Variants in FER1L6 observed in about 807,000 individuals in gnomAD.
FER1L6 encodes the protein fer-1 like family member 6, also known as fer-1-like protein 6.
A neutral mutation model predicts 219.2 loss-of-function variants in FER1L6; 177 were observed. The ratio of observed to expected loss-of-function variants is 0.81; its 90% confidence interval spans 0.71 to 0.91. The LOEUF is 0.91. Ranked by LOEUF, FER1L6 falls within the 40% of genes least tolerant of loss-of-function variation. FER1L6 has a pLI of 0.00. For synonymous variants in FER1L6, 768 were observed against 824.3 expected, an observed-to-expected ratio of 0.93 and a Z score of 1.17; for missense variants, 2,153 against 2,259.9, an observed-to-expected ratio of 0.95 and a Z score of 0.96.
chr8:124,108,143 G>A (rs2131011459), intron 39 of FER1L6, among the ~76,000 whole-genome samples: 1 of 152,278 alleles, frequency 6.6e-6, no homozygotes, highest in South Asian at 2.1e-4. Context: ...GAGGATCCCT[G>A]GAGCCCAGGA....
chr8:123,862,235 A>C (rs1246476527), intron 1 of FER1L6, among the ~76,000 whole-genome samples: 1 of 87,878 alleles, frequency 1.1e-5, no homozygotes, highest in Non-Finnish European at 2.3e-5. Flanking sequence ...TATTGAGATA[A>C]TCATGTGGTT....
At chr8:123,959,984 T>G (rs1201459442) in intron 2 of FER1L6, among the ~76,000 whole-genome samples, 2 of 152,206 alleles carry the variant, frequency 1.3e-5, no homozygotes, top group East Asian at 1.9e-4. Context: ...GCCAAGAAAT[T>G]CTGGGTGACT....
chr8:124,036,275 C>T (rs543108382), intron 19 of FER1L6: 6 of 152,266 alleles, frequency 3.9e-5, no homozygotes, highest in Admixed American at 1.3e-4. Flanking sequence ...CCAGTGGAAT[C>T]GAAGTTGCTC....
At chr8:124,118,517 C>A (rs1823341609) in intron 39 of FER1L6, among the ~76,000 whole-genome samples, 1 of 152,172 alleles carries the variant, frequency 6.6e-6, no homozygotes, top group African/African-American at 2.4e-5. Context: ...AGTAATCAGT[C>A]CCCTTTCTAA....
At chr8:123,967,136 A>C (rs577646710) in intron 5 of FER1L6, among the ~76,000 whole-genome samples, 2 of 152,244 alleles carry the variant, frequency 1.3e-5, no homozygotes, top group East Asian at 3.9e-4. Context: ...AAGAGACAAA[A>C]AGTATAACGA....
chr8:123,967,430 A>G (rs2130230586), intron 5 of FER1L6, among the ~76,000 whole-genome samples: 1 of 152,306 alleles, frequency 6.6e-6, no homozygotes, highest in Non-Finnish European at 1.5e-5. Flanking sequence ...ATGCCATAAT[A>G]TACTAAACCA....
chr8:123,953,182 C>T (rs1814847584), intron 1 of FER1L6, among the ~76,000 whole-genome samples: 1 of 152,150 alleles, frequency 6.6e-6, no homozygotes, highest in African/African-American at 2.4e-5. Context: ...CCTTTTCATG[C>T]TGGGAGTCAT....
At chr8:124,078,194 T>C (rs1214764363) in intron 32 of FER1L6, among the ~76,000 whole-genome samples, 1 of 152,064 alleles carries the variant, frequency 6.6e-6, no homozygotes, top group Non-Finnish European at 1.5e-5. Context: ...GATGGATGGA[T>C]GGATGGATGG....
At chr8:123,860,094 A>G (rs1816720242) in intron 1 of FER1L6, among the ~76,000 whole-genome samples, 1 of 134,164 alleles carries the variant, frequency 7.5e-6, no homozygotes. Flanking sequence ...CTCGTCATCT[A>G]GCATTAGGTA....
At chr8:124,073,353 A>C (rs1821156163) in intron 31 of FER1L6, among the ~76,000 whole-genome samples, 1 of 152,232 alleles carries the variant, frequency 6.6e-6, no homozygotes, top group Non-Finnish European at 1.5e-5. Flanking sequence ...GGACTTGAAC[A>C]AACAGGGAGT....
At chr8:123,932,411 G>A (rs564119775) in intron 1 of FER1L6, among the ~76,000 whole-genome samples, 4 of 152,234 alleles carry the variant, frequency 2.6e-5, no homozygotes, top group Admixed American at 1.3e-4. Flanking sequence ...GCCAGGCTCC[G>A]TATTTATTCT....
In FER1L6 at chr8:123,853,121, T is replaced by C. The variant is rs867522570; in HGVS notation, c.-8+936T>C. On this transcript the variant is annotated intron_variant, in intron 1 of 40. Transcript: ENST00000522917. This position sits in a 1 kb window ranked among gnomAD's most constrained non-coding sequence, Gnocchi z 6.6. Reference sequence around the variant, plus strand: ...AGCCTTCCAAAGTGCTCGGATTACGTGCGTGAGCCACTGTGCCCACCCTCA... The same window carrying C: ...AGCCTTCCAAAGTGCTCGGATTACGCGCGTGAGCCACTGTGCCCACCCTCA... Among the ~76,000 whole-genome samples the C allele has an allele frequency of 7.2e-5, 11 of 152,146 alleles. No homozygotes were observed. The highest frequency in any genetic ancestry group is 3.4e-3 in the Middle Eastern group (1 of 292).
intron 1 of FER1L6, among the ~76,000 whole-genome samples, chr8:123,893,728 A>G (rs1183260808): frequency 6.6e-6 from 1 of 152,196 alleles, no homozygotes; most frequent in Non-Finnish European, 1.5e-5. Context: ...CAGTAAAGCC[A>G]ATTTAGGAGA....
At chr8:123,876,151 C>T (rs1448685583) in intron 1 of FER1L6, among the ~76,000 whole-genome samples, 1 of 152,172 alleles carries the variant, frequency 6.6e-6, no homozygotes, top group East Asian at 1.9e-4. Context: ...CCACCCTTCC[C>T]TCTCTTTCTA....
chr8:124,052,817 AAAAC>A (rs1198468327), intron 22 of FER1L6, among the ~76,000 whole-genome samples: 4 of 152,232 alleles, frequency 2.6e-5, no homozygotes, highest in Middle Eastern at 3.4e-3. Context: ...ACAAACAAAA[AAAAC>A]AGCATCACAT....
intron 1 of FER1L6, among the ~76,000 whole-genome samples, chr8:123,926,183 G>A (rs1314330794): frequency 1.3e-5 from 2 of 152,198 alleles, no homozygotes; most frequent in African/African-American, 2.4e-5. Flanking sequence ...CTTTAGGAGT[G>A]CTTCTCAGAC....
intron 38 of FER1L6, 71 bp from the exon 39 acceptor site, chr8:124,103,075 A>T: frequency 1.5e-6 from 2 of 1,317,098 alleles, no homozygotes; most frequent in East Asian, 2.3e-5. Context: ...ATGAATGAGG[A>T]TGGTGATTGA....
At chr8:123,885,983 C>A (rs539619339) in intron 1 of FER1L6, among the ~76,000 whole-genome samples, 1 of 152,212 alleles carries the variant, frequency 6.6e-6, no homozygotes, top group Non-Finnish European at 1.5e-5. Flanking sequence ...TGTTCCTCTG[C>A]CTCAGAGGCT....
intron 39 of FER1L6, among the ~76,000 whole-genome samples, chr8:124,114,055 AT>A (rs1475939721): frequency 6.6e-6 from 1 of 152,116 alleles, no homozygotes; most frequent in Non-Finnish European, 1.5e-5. Context: ...TAATTATTTC[AT>A]TGGTTTTATA....
Sources: gnomAD v4.1 joint callset for allele counts (sites outside exome capture counted in the v4.1 genomes callset) on GRCh38, gnomAD v4.1.1 for gene constraint, Gnocchi (gnomAD v3.1) non-coding constraint, MANE v1.5 for transcripts, NCBI Gene and HGNC (gene_info 2026-07-23, HGNC 2026-07-21) for gene names.